CSTPP1: variants seen among roughly 807,000 people sequenced by gnomAD.
CSTPP1 encodes UPF0705 protein C11orf49.
chr11:47,063,844 A>T, the CSTPP1 span, among the ~76,000 whole-genome samples: 1 of 152,186 alleles, frequency 6.6e-6, no homozygotes, highest in Admixed American at 6.6e-5. Context: ...CATAACTAGA[A>T]GTGGGATTAC....
the CSTPP1 span, among the ~76,000 whole-genome samples, chr11:47,137,146 G>C: frequency 6.6e-6 from 1 of 152,168 alleles, no homozygotes; most frequent in African/African-American, 2.4e-5. Flanking sequence ...ACAGAGTAAT[G>C]AGGTCTGTGG....
the CSTPP1 span, among the ~76,000 whole-genome samples, chr11:47,133,458 C>A: frequency 2.6e-5 from 4 of 152,222 alleles, no homozygotes; most frequent in Admixed American, 1.3e-4. Flanking sequence ...ACCTCCCCTG[C>A]ACCTGCCAGG....
chr11:46,995,466 G>T, the CSTPP1 span, among the ~76,000 whole-genome samples: 6 of 152,158 alleles, frequency 3.9e-5, no homozygotes, highest in East Asian at 1.2e-3. Flanking sequence ...CAGAGATTCT[G>T]GTATGTTGTG....
chr11:47,134,976 G>A, the CSTPP1 span, among the ~76,000 whole-genome samples: 1 of 152,046 alleles, frequency 6.6e-6, no homozygotes, highest in South Asian at 2.1e-4. Flanking sequence ...GGGTGTGGTG[G>A]CATATGCTTG....
chr11:46,990,260 G>A, the CSTPP1 span, among the ~76,000 whole-genome samples: 2 of 152,200 alleles, frequency 1.3e-5, no homozygotes, highest in African/African-American at 2.4e-5. Context: ...CACCAACAGT[G>A]TATAAGCATC....
At chr11:46,946,455 G>A in the CSTPP1 span, among the ~76,000 whole-genome samples, 2,187 of 152,276 alleles carry the variant, frequency 0.014, 51 homozygotes, top group African/African-American at 0.05. Flanking sequence ...TCAGGAGATC[G>A]AGACCATCCT....
chr11:47,154,840 G>A, the CSTPP1 span: 6 of 408,806 alleles, frequency 1.5e-5, no homozygotes, highest in Non-Finnish European at 2.2e-5. Context: ...AACCTTGGCT[G>A]CATTACAGTT....
At chr11:46,979,932 T>C in the CSTPP1 span, among the ~76,000 whole-genome samples, 1 of 152,116 alleles carries the variant, frequency 6.6e-6, no homozygotes, top group Non-Finnish European at 1.5e-5. Flanking sequence ...AAAGATTCTG[T>C]AGTTTCTGGC....
At chr11:46,989,608 A>G in the CSTPP1 span, among the ~76,000 whole-genome samples, 2 of 152,120 alleles carry the variant, frequency 1.3e-5, no homozygotes. Flanking sequence ...ACTGATTACC[A>G]CTTTTTGAAT....
At chr11:47,093,309 C>T in the CSTPP1 span, among the ~76,000 whole-genome samples, 1 of 152,176 alleles carries the variant, frequency 6.6e-6, no homozygotes, top group Non-Finnish European at 1.5e-5. Flanking sequence ...GTTTGGGCAA[C>T]TGTGATGTGA....
chr11:46,960,399 A>T, the CSTPP1 span, among the ~76,000 whole-genome samples: 1 of 152,190 alleles, frequency 6.6e-6, no homozygotes, highest in Non-Finnish European at 1.5e-5. Flanking sequence ...CTTCATACCA[A>T]TTAGCAGCCA....
At chr11:46,971,641 C>G in the CSTPP1 span, among the ~76,000 whole-genome samples, 1 of 152,070 alleles carries the variant, frequency 6.6e-6, no homozygotes, top group African/African-American at 2.4e-5. Flanking sequence ...CATTGATCTT[C>G]TAATTTTTTT....
At chr11:47,013,155 A>G in the CSTPP1 span, among the ~76,000 whole-genome samples, 3 of 148,084 alleles carry the variant, frequency 2.0e-5, no homozygotes. Context: ...ATGTAGTTAT[A>G]TATAAATGGT....
chr11:47,020,340 C>T, the CSTPP1 span, among the ~76,000 whole-genome samples: 31 of 152,132 alleles, frequency 2.0e-4, no homozygotes, highest in Non-Finnish European at 3.7e-4. Flanking sequence ...TTATTTGAGT[C>T]TTAAGCTTAG....
the CSTPP1 span, among the ~76,000 whole-genome samples, chr11:47,138,481 A>T: frequency 6.6e-6 from 1 of 152,200 alleles, no homozygotes; most frequent in South Asian, 2.1e-4. Flanking sequence ...GAAGGGCATA[A>T]AGGTGATAAA....
At chr11:46,950,048 A>G in the CSTPP1 span, among the ~76,000 whole-genome samples, 1 of 152,190 alleles carries the variant, frequency 6.6e-6, no homozygotes, top group Admixed American at 6.5e-5. Flanking sequence ...CAAGTGATTA[A>G]AAACAGCTTT....
the CSTPP1 span, among the ~76,000 whole-genome samples, chr11:46,961,084 A>G: frequency 2.6e-5 from 4 of 152,176 alleles, no homozygotes; most frequent in Non-Finnish European, 5.9e-5. Context: ...TTTTAAGCAT[A>G]TACCTAGGCG....
the CSTPP1 span, among the ~76,000 whole-genome samples, chr11:47,111,348 G>A: frequency 1.2e-3 from 190 of 152,240 alleles, 2 homozygotes; most frequent in South Asian, 6.2e-4. Flanking sequence ...CTCTTAATTT[G>A]TTTTTCCCCG....
chr11:46,966,232 G>T, the CSTPP1 span, among the ~76,000 whole-genome samples: 1 of 152,146 alleles, frequency 6.6e-6, no homozygotes, highest in Middle Eastern at 3.4e-3. Flanking sequence ...TAGTAGAGAC[G>T]GGGTTTCACC....
Sources: allele counts gnomAD v4.1 joint callset (sites outside exome capture counted in the v4.1 genomes callset), GRCh38; gene constraint gnomAD v4.1.1; transcripts MANE v1.5; gene names NCBI Gene and HGNC (gene_info 2026-07-23, HGNC 2026-07-21).